The following SCP2 variants were observed in gnomAD, a reference collection of about 807,000 sequenced individuals.
SCP2 encodes SCP-2/3-oxoacyl-CoA thiolase.
A neutral mutation model predicts 71.4 loss-of-function variants in SCP2; 48 were observed. The ratio of observed to expected loss-of-function variants is 0.67; its 90% CI spans 0.53 to 0.86. SCP2 has a LOEUF of 0.86. Among genes scored for constraint, SCP2 ranks in the 40% least tolerant of loss-of-function variants. The pLI, the probability that SCP2 is intolerant of heterozygous loss-of-function variation, is 0.00. For missense variants in SCP2, 560 were observed against 655.6 expected, an observed-to-expected ratio of 0.85 and a Z score of 1.59; for synonymous variants, 220 against 218.1, an observed-to-expected ratio of 1.01 and a Z score of -0.08.
In SCP2 at chr1:52,972,599, A is replaced by G. The variant is rs1005994677; in HGVS notation, c.524-2170A>G. 5.3e-5 allele frequency among the ~76,000 whole-genome samples: 8 copies of G among 152,220 alleles called. No individual in the cohort carries two copies. The East Asian group carries it at 1.3e-3, about 26-fold the overall frequency. On this transcript the variant is annotated intron_variant, in intron 6 of 15. Coordinates refer to ENST00000371514, the MANE Select transcript of SCP2 (RefSeq NM_002979.5). ...TACTTCCTAAAACAAGGAATTTGTC[A>G]CCAACTGAGGCCACCAATCCCAATT...
intron 11 of SCP2, chr1:52,994,072 C>G: frequency 9.2e-7 from 1 of 1,085,978 alleles, no homozygotes; most frequent in Non-Finnish European, 1.1e-6. Flanking sequence ...CAATGCTACA[C>G]AGACATTATT....
chr1:52,947,996 T>C lies in SCP2; in HGVS notation c.128-13T>C, dbSNP rs778825993. The C allele has an allele frequency of 3.8e-6, 6 of 1,596,352 alleles. No homozygotes were observed. Among genetic ancestry groups the C allele is most frequent in the Non-Finnish European group, 5.2e-6 (6 of 1,163,972 alleles). ...TTAAAGCACTTTTTGATAAAAACCT[T>C]TCGTTTTTATAGGCAAGAAGGCTTT... On this transcript the variant is annotated splice_polypyrimidine_tract_variant and intron_variant, in intron 2 of 15. Transcript: ENST00000371514.
Position 52,974,837 on chromosome 1 carries a change from G to A in SCP2, c.587+5G>A. 2.2e-6 allele frequency: 3 copies of A among 1,345,556 alleles called. No individual in the cohort carries two copies. Among genetic ancestry groups the A allele is most frequent in the South Asian group, 1.2e-5 (1 of 85,546 alleles). 83.4% of individuals were successfully genotyped at this position (1,345,556 alleles called of 1,614,324 possible). Reference sequence around the variant, plus strand: ...TAAACATTCAGTTAATAACCCGTAAGTATTTCAGAGACATGAAATAATGAA... The same window carrying A: ...TAAACATTCAGTTAATAACCCGTAAATATTTCAGAGACATGAAATAATGAA... On this transcript the variant is annotated splice_donor_5th_base_variant and intron_variant, in intron 7 of 15. Transcript: ENST00000371514.
chr1:53,010,848 C>G (rs1572182064), intron 11 of SCP2, among the ~76,000 whole-genome samples: 2 of 152,168 alleles, frequency 1.3e-5, no homozygotes, highest in East Asian at 3.9e-4. Context: ...ACCCCCTGCC[C>G]ACAAAAAATT....
chr1:52,956,735 A>G (rs2150134366), intron 5 of SCP2, among the ~76,000 whole-genome samples: 1 of 152,266 alleles, frequency 6.6e-6, no homozygotes, highest in Non-Finnish European at 1.5e-5. Flanking sequence ...GTAAGTGAAT[A>G]TATAATGTTT....
chr1:53,005,178 G>A (rs1356001059), intron 11 of SCP2, among the ~76,000 whole-genome samples: 1 of 152,214 alleles, frequency 6.6e-6, no homozygotes, highest in Non-Finnish European at 1.5e-5. Context: ...GCCTGCCTCT[G>A]TAGACTCCAC....
intron 13 of SCP2, among the ~76,000 whole-genome samples, chr1:53,034,385 G>A (rs181506245): frequency 1.9e-4 from 29 of 151,388 alleles, no homozygotes; most frequent in African/African-American, 6.1e-4. Flanking sequence ...TCATTTATAT[G>A]AAATGTCCAG....
intron 13 of SCP2, among the ~76,000 whole-genome samples, chr1:53,034,696 G>A (rs2150255147): frequency 6.6e-6 from 1 of 152,242 alleles, no homozygotes; most frequent in East Asian, 1.9e-4. Flanking sequence ...TAGAAACAGA[G>A]GTTAGTATCT....
At position 52,954,194 on chromosome 1, in the gene SCP2, C is replaced by T. The variant is rs186857406; in HGVS notation, c.332-546C>T. Among the ~76,000 whole-genome samples the T allele has an allele frequency of 1.1e-3, 161 of 150,358 alleles. No homozygotes were observed. The East Asian group carries it at 0.018, about 16-fold the overall frequency. ...TGAGGTGGCACATTCGTGTGCCACCCCATTCAACTAATAGAGAGCTGAGGT... is the reference window on the plus strand; with the variant it reads ...TGAGGTGGCACATTCGTGTGCCACCTCATTCAACTAATAGAGAGCTGAGGT... On this transcript the variant is annotated intron_variant, in intron 4 of 15. Transcript: ENST00000371514.
At chr1:52,980,044 G>C (rs1658344261) in intron 9 of SCP2, among the ~76,000 whole-genome samples, 1 of 151,690 alleles carries the variant, frequency 6.6e-6, no homozygotes, top group African/African-American at 2.4e-5. Context: ...GGTGATCCTG[G>C]TTCCCTGCAG....
chr1:52,939,641 G>A (rs114222454), intron 1 of SCP2, among the ~76,000 whole-genome samples: 4,118 of 152,218 alleles, frequency 0.027, 79 homozygotes, highest in Middle Eastern at 0.048. Context: ...GAGTGCTATT[G>A]CTAATTCATA....
At position 53,050,801 on chromosome 1, in the gene SCP2, G is replaced by T; in HGVS notation, c.*97G>T. On this transcript the variant is annotated 3_prime_UTR_variant, in exon 16 of 16. Transcript: ENST00000371514. ...GAATTTAGACTGAAACTACACATTG[G>T]CAAATAGCGTGGGATAGATTTGTTT... 1.1e-6 allele frequency: 1 copy of T among 880,098 alleles called. No individual in the cohort carries two copies. The allele number at this position is 880,098 out of a possible 1,614,324, so 54.5% of individuals were successfully genotyped here.
chr1:52,950,952 CA>C, intron 4 of SCP2, 66 bp downstream of exon 4: 1 of 1,493,652 alleles, frequency 6.7e-7, no homozygotes, highest in Admixed American at 1.7e-5. Flanking sequence ...ACACGACCAT[CA>C]GAGGAATTAT....
rs371544586 is a variant in SCP2 at position 53,050,712 on chromosome 1, C to T, written c.*8C>T. On this transcript the variant is annotated 3_prime_UTR_variant, in exon 16 of 16. Transcript: ENST00000371514. ...GGCAACGCTAAGCTCTGAAGAACTC[C>T]CTTTGGCTACTTTTGAAAATCAAGA... The T allele has an allele frequency of 1.9e-6, 3 of 1,579,586 alleles. No individual in the cohort carries two copies. Among genetic ancestry groups the T allele is most frequent in the East Asian group, 2.2e-5 (1 of 44,690 alleles).
intron 6 of SCP2, among the ~76,000 whole-genome samples, chr1:52,967,669 G>A (rs911859536): frequency 6.6e-6 from 1 of 152,212 alleles, no homozygotes; most frequent in African/African-American, 2.4e-5. Flanking sequence ...GATCTGTTTT[G>A]AAAGAAGGGG....
chr1:52,936,412 T>C (rs1455303779), intron 1 of SCP2, among the ~76,000 whole-genome samples: 3 of 152,204 alleles, frequency 2.0e-5, no homozygotes, highest in Non-Finnish European at 2.9e-5. Flanking sequence ...ATCAGATATA[T>C]GCTTCCTAAT....
intron 11 of SCP2, among the ~76,000 whole-genome samples, chr1:53,009,320 A>G (rs569275157): frequency 1.3e-4 from 20 of 152,144 alleles, no homozygotes; most frequent in Non-Finnish European, 2.5e-4. Flanking sequence ...CATTGCCAAG[A>G]CAATCCTAAG....
intron 10 of SCP2, among the ~76,000 whole-genome samples, chr1:52,986,354 G>A (rs1466354579): frequency 3.9e-5 from 6 of 152,180 alleles, no homozygotes; most frequent in African/African-American, 1.4e-4. Flanking sequence ...ATATTTAGCA[G>A]TTTGTAAGTA....
chr1:53,038,761 C>T (rs1239448225), intron 13 of SCP2, among the ~76,000 whole-genome samples, 156 bp from the exon 14 acceptor site: 1 of 152,122 alleles, frequency 6.6e-6, no homozygotes, highest in Non-Finnish European at 1.5e-5. Context: ...GCCTGCTTGC[C>T]TTTCAGACTT....
Sources: gnomAD v4.1 joint callset for allele counts (sites outside exome capture counted in the v4.1 genomes callset) on GRCh38, gnomAD v4.1.1 for gene constraint, MANE v1.5 for transcripts, NCBI Gene and HGNC (gene_info 2026-07-23, HGNC 2026-07-21) for gene names.